The following PDE4B variants were observed in gnomAD, a reference collection of about 807,000 sequenced individuals.
The protein encoded by PDE4B is 3',5'-cyclic-AMP phosphodiesterase 4B.
A neutral mutation model predicts 82.2 loss-of-function variants in PDE4B; 20 were observed. The observed-to-expected ratio is 0.24, with a 90% CI of 0.17 to 0.35. PDE4B has a LOEUF of 0.35. PDE4B is among the 10% of genes least tolerant of loss of function. The pLI is 1.00. For missense variants in PDE4B, 655 were observed against 907.2 expected (o/e 0.72, Z 3.57); for synonymous variants, 320 against 318.9 (o/e 1.00, Z -0.04).
At chr1:66,273,936 C>T (rs574297760) in intron 7 of PDE4B, among the ~76,000 whole-genome samples, 1 of 152,338 alleles carries the variant, frequency 6.6e-6, no homozygotes, top group East Asian at 1.9e-4. Flanking sequence ...GAAGTGAACT[C>T]TTTGTTATCC....
chr1:66,199,564 A>G (rs782417), intron 3 of PDE4B, among the ~76,000 whole-genome samples: 70,891 of 151,720 alleles, frequency 0.47, 16,716 homozygotes, highest in African/African-American at 0.53. Flanking sequence ...CCATTTTGTA[A>G]GTTGCCTCCC....
At chr1:66,109,896 G>T (rs1231955806) in intron 3 of PDE4B, among the ~76,000 whole-genome samples, 1 of 151,770 alleles carries the variant, frequency 6.6e-6, no homozygotes, top group Non-Finnish European at 1.5e-5. Flanking sequence ...GCTATCAGAC[G>T]TTGAATTAGT....
intron 3 of PDE4B, among the ~76,000 whole-genome samples, chr1:65,985,609 G>A (rs1279382848): frequency 6.6e-6 from 1 of 151,986 alleles, no homozygotes; most frequent in Non-Finnish European, 1.5e-5. Flanking sequence ...ATTATCTTTG[G>A]GAACTGGAGT....
rs766851328 is a variant in PDE4B, at chr1:66,367,972, G to A, written c.1569G>A (p.Met523Ile). 3.7e-6 allele frequency: 6 copies of A among 1,613,540 alleles called. No individual in the cohort carries two copies. In the Admixed American group the frequency reaches 5.0e-5, roughly 13 times the overall value. The change falls in exon 15 of 17, where the codon ATG becomes ATA. Residue 523 changes from methionine to isoleucine, a missense_variant. Coordinates refer to ENST00000341517, the MANE Select transcript of PDE4B (RefSeq NM_002600.4). Reference sequence around the variant, plus strand: ...TAGCAACTGATATGTCTAAACATATGAGCCTGCTGGCAGACCTGAAGACAA... The same window carrying A: ...TAGCAACTGATATGTCTAAACATATAAGCCTGCTGGCAGACCTGAAGACAA... ...MVLATDMSKHMSLLADLKTMV... is the reference protein window; with the variant it reads ...MVLATDMSKHISLLADLKTMV...
chr1:66,109,720 G>A (rs1425317101), intron 3 of PDE4B, among the ~76,000 whole-genome samples: 1 of 151,554 alleles, frequency 6.6e-6, no homozygotes, highest in Non-Finnish European at 1.5e-5. Context: ...TAGATTTAGG[G>A]GATACATGTA....
At chr1:66,249,405 C>A (rs1653577315) in intron 4 of PDE4B, among the ~76,000 whole-genome samples, 1 of 152,188 alleles carries the variant, frequency 6.6e-6, no homozygotes, top group Non-Finnish European at 1.5e-5. Context: ...CAGACTCAAG[C>A]CAAACGGCAG....
chr1:66,171,734 C>G (rs1044897209), intron 3 of PDE4B, among the ~76,000 whole-genome samples: 1 of 152,092 alleles, frequency 6.6e-6, no homozygotes, highest in Non-Finnish European at 1.5e-5. Flanking sequence ...GTTTATAATG[C>G]TTCCCTTGAA....
intron 3 of PDE4B, among the ~76,000 whole-genome samples, chr1:65,931,199 G>A (rs568155410): frequency 1.1e-3 from 167 of 152,214 alleles, no homozygotes; most frequent in African/African-American, 3.9e-3. Flanking sequence ...CACCATGATT[G>A]TAAGTTTCCT....
At chr1:65,936,587 C>T (rs994921277) in intron 3 of PDE4B, among the ~76,000 whole-genome samples, 34 of 152,254 alleles carry the variant, frequency 2.2e-4, no homozygotes, top group African/African-American at 7.7e-4. Flanking sequence ...GTCAGAATCA[C>T]CTGAAGGACT....
intron 3 of PDE4B, among the ~76,000 whole-genome samples, chr1:65,935,267 C>T (rs572026235): frequency 9.2e-5 from 14 of 151,462 alleles, no homozygotes; most frequent in Admixed American, 5.9e-4. Flanking sequence ...TAGTATTCTT[C>T]GCTTAATGGG....
intron 1 of PDE4B, among the ~76,000 whole-genome samples, chr1:65,827,621 C>T (rs987379753): frequency 2.6e-5 from 4 of 151,848 alleles, no homozygotes; most frequent in African/African-American, 4.8e-5. Flanking sequence ...TTGAGAAAAC[C>T]GAAGAAGATC....
chr1:66,137,082 A>G (rs967623976), intron 3 of PDE4B, among the ~76,000 whole-genome samples: 2 of 152,220 alleles, frequency 1.3e-5, no homozygotes, highest in Non-Finnish European at 2.9e-5. Context: ...AATATTAGAT[A>G]TTAGATACAG....
intron 3 of PDE4B, among the ~76,000 whole-genome samples, chr1:65,933,781 G>A (rs1433188477): frequency 6.6e-6 from 1 of 152,136 alleles, no homozygotes; most frequent in Non-Finnish European, 1.5e-5. Context: ...GATAGCACAA[G>A]AAAGTGAAAC....
chr1:66,329,293 TG>T (rs1428455509), intron 7 of PDE4B, among the ~76,000 whole-genome samples: 1 of 152,246 alleles, frequency 6.6e-6, no homozygotes, highest in Non-Finnish European at 1.5e-5. Context: ...ATGTGGGATA[TG>T]TGGGAAGCCC....
At chr1:65,823,909 G>A (rs12567602) in intron 1 of PDE4B, among the ~76,000 whole-genome samples, 4,621 of 152,176 alleles carry the variant, frequency 0.03, 175 homozygotes, top group East Asian at 0.12. Context: ...AAAAATGAAA[G>A]CAATCATCCA....
At chr1:65,823,808 A>C (rs148035317) in intron 1 of PDE4B, among the ~76,000 whole-genome samples, 1 of 152,174 alleles carries the variant, frequency 6.6e-6, no homozygotes, top group South Asian at 2.1e-4. Flanking sequence ...GCAGATTCTA[A>C]TATCTTGTTA....
intron 1 of PDE4B, among the ~76,000 whole-genome samples, chr1:65,853,035 G>T (rs1273651044): frequency 6.6e-6 from 1 of 151,958 alleles, no homozygotes; most frequent in Admixed American, 6.6e-5. Context: ...AGTTCTGCCA[G>T]TTTTTGCCTC....
chr1:65,859,455 G>A (rs1228631013), intron 1 of PDE4B, among the ~76,000 whole-genome samples: 2 of 151,964 alleles, frequency 1.3e-5, no homozygotes, highest in African/African-American at 4.8e-5. Context: ...GAGTAATTAG[G>A]TAGATACCAT....
chr1:66,024,143 G>A (rs1653303555), intron 3 of PDE4B, among the ~76,000 whole-genome samples: 1 of 152,054 alleles, frequency 6.6e-6, no homozygotes, highest in Non-Finnish European at 1.5e-5. Flanking sequence ...CCATTAATGT[G>A]AAGTAGAGTT....
Sources: gnomAD v4.1 joint callset for allele counts (sites outside exome capture counted in the v4.1 genomes callset) on GRCh38, gnomAD v4.1.1 for gene constraint, MANE v1.5 for transcripts, NCBI Gene and HGNC (gene_info 2026-07-23, HGNC 2026-07-21) for gene names.